The following RAB14 variants were observed in gnomAD, a reference collection of about 807,000 sequenced individuals.
The protein encoded by RAB14 is ras-related protein Rab-14.
In RAB14, 3 loss-of-function variants were observed where a neutral mutation model predicts 31.1. That is an observed-to-expected ratio of 0.10 (90% CI 0.04 to 0.25). The LOEUF (loss-of-function observed/expected upper bound fraction) is 0.25. Among genes scored for constraint, RAB14 ranks in the 10% least tolerant of loss-of-function variants. RAB14 has a pLI of 1.00. For missense variants in RAB14, 111 were observed against 260.1 expected (o/e 0.43, Z 3.94); for synonymous variants, 85 against 84.9 (o/e 1.00, Z 0.00).
rs1454413915 is a variant in RAB14, at chr9:121,180,744, A to AT, written c.*651dup. Reference sequence around the variant, plus strand: ...AGTTCGATTCCTTCAAATTTTATACATATTTACTTTCTGTTAAAGAGAAAA... The same window carrying AT: ...AGTTCGATTCCTTCAAATTTTATACATTATTTACTTTCTGTTAAAGAGAAAA... On this transcript the variant is annotated 3_prime_UTR_variant, in exon 8 of 8. Coordinates refer to ENST00000373840, the MANE Select transcript of RAB14 (RefSeq NM_016322.4). The AT allele has an allele frequency of 1.2e-4, 19 of 152,686 alleles. No homozygotes were observed. Among genetic ancestry groups the AT allele is most frequent in the African/African-American group, 4.6e-4 (19 of 41,484 alleles). The allele number at this position is 152,686 out of a possible 1,614,324, so 9.5% of individuals were successfully genotyped here.
At chr9:121,190,884 C>T (rs1027232713) in intron 3 of RAB14, among the ~76,000 whole-genome samples, 153 bp from the exon 4 acceptor site, 4 of 151,970 alleles carry the variant, frequency 2.6e-5, no homozygotes, top group Non-Finnish European at 5.9e-5. Flanking sequence ...TTAACAAACA[C>T]CCAGAAGTAA....
At position 121,181,200 on chromosome 9, in the gene RAB14, T is replaced by C; in HGVS notation, c.*196A>G. On this transcript the variant is annotated 3_prime_UTR_variant, in exon 8 of 8. Coordinates refer to ENST00000373840, the MANE Select transcript of RAB14 (RefSeq NM_016322.4). ...ACCATGCAGGAGAGATTTATTACTC[T>C]ACTTGCCTTTGATAACCTGATTACA... The C allele has an allele frequency of 2.1e-6, 1 of 473,670 alleles. No individual in the cohort carries two copies. The highest frequency in any genetic ancestry group is 3.4e-5 in the East Asian group (1 of 29,374). 29.3% of individuals were successfully genotyped at this position (473,670 alleles called of 1,614,324 possible). A position where few individuals can be genotyped will look rare whatever the true frequency, so the allele number is the denominator to read the frequency against.
intron 4 of RAB14, among the ~76,000 whole-genome samples, chr9:121,189,721 G>A (rs1440830079): frequency 1.3e-5 from 2 of 151,984 alleles, no homozygotes; most frequent in Non-Finnish European, 2.9e-5. Context: ...ACATCAAGAG[G>A]AAACCTTTTA....
At position 121,200,677 on chromosome 9, in the gene RAB14, A is replaced by G. The variant is rs560820151; in HGVS notation, c.-8+962T>C. On this transcript the variant is annotated intron_variant, in intron 1 of 7. Coordinates refer to ENST00000373840, the MANE Select transcript of RAB14 (RefSeq NM_016322.4). The stretch of plus-strand genomic sequence containing the variant: ...TACATTATAAATGGTCATGTCTGTA[A>G]CCCTAGCCTAATTTTTGAATGTAGT... 9.2e-5 allele frequency among the ~76,000 whole-genome samples: 14 copies of G among 152,294 alleles called. No homozygotes were observed. In the South Asian group the frequency reaches 1.5e-3, roughly 16 times the overall value.
intron 3 of RAB14, 45 bp from the exon 4 acceptor site, chr9:121,190,776 T>G: frequency 6.3e-7 from 1 of 1,584,042 alleles, no homozygotes; most frequent in Non-Finnish European, 8.6e-7. Context: ...TCAGAAAACT[T>G]CAAATTAAGC....
At chr9:121,186,146 C>A (rs1468789479) in intron 5 of RAB14, among the ~76,000 whole-genome samples, 1 of 152,100 alleles carries the variant, frequency 6.6e-6, no homozygotes, top group Admixed American at 6.6e-5. Context: ...TCACATTGTT[C>A]CTGGCATACC....
intron 5 of RAB14, among the ~76,000 whole-genome samples, chr9:121,185,010 ACATGC>A (rs2053651612): frequency 2.0e-5 from 3 of 152,212 alleles, no homozygotes; most frequent in Non-Finnish European, 4.4e-5. Context: ...GAGATACAAA[ACATGC>A]CCACAACAAA....
At chr9:121,187,147 A>G (rs1423989156) in intron 4 of RAB14, 128 bp from the exon 5 acceptor site, 1 of 503,396 alleles carries the variant, frequency 2.0e-6, no homozygotes, top group African/African-American at 2.0e-5. Flanking sequence ...TACTCAGAAC[A>G]GTAGTTGTGA....
rs2053625521 is a variant in RAB14 at position 121,180,185 on chromosome 9, T to C, written c.*1211A>G. ...GTGAACACAGGGATATCTTAAGTTA[T>C]TTCACTGTAGGGTTAAAAATGCACA... is the stretch of plus-strand genomic sequence containing the variant. On this transcript the variant is annotated 3_prime_UTR_variant, in exon 8 of 8. Coordinates refer to ENST00000373840, the MANE Select transcript of RAB14 (RefSeq NM_016322.4). The C allele has an allele frequency of 6.6e-6, 1 of 152,650 alleles. No homozygotes were observed. The highest frequency in any genetic ancestry group is 1.5e-5 in the Non-Finnish European group (1 of 68,050). The allele number at this position is 152,650 out of a possible 1,614,324, so 9.5% of individuals were successfully genotyped here.
rs1203946079 is a variant in RAB14 at position 121,201,826 on chromosome 9, T to A, written c.-195A>T. On this transcript the variant is annotated 5_prime_UTR_variant, in exon 1 of 8. Coordinates refer to ENST00000373840, the MANE Select transcript of RAB14 (RefSeq NM_016322.4). ...CGGCAGTAGCAGTGGCAGCGGTGAC[T>A]GCTCCTGTGCTCCCTCAGTATCTTC... 1.3e-5 allele frequency: 2 copies of A among 152,464 alleles called. No individual in the cohort carries two copies. The highest frequency in any genetic ancestry group is 2.1e-4 in the South Asian group (1 of 4,834). 9.4% of individuals were successfully genotyped at this position (152,464 alleles called of 1,614,324 possible). A position where few individuals can be genotyped will look rare whatever the true frequency, so the allele number is the denominator to read the frequency against.
At chr9:121,182,560 A>T (rs907391769) in intron 7 of RAB14, among the ~76,000 whole-genome samples, 1 of 152,252 alleles carries the variant, frequency 6.6e-6, no homozygotes, top group African/African-American at 2.4e-5. Flanking sequence ...TAATGTGATC[A>T]GAAGTATTAC....
intron 2 of RAB14, among the ~76,000 whole-genome samples, chr9:121,192,503 T>C (rs2053692573): frequency 6.6e-6 from 1 of 152,124 alleles, no homozygotes; most frequent in African/African-American, 2.4e-5. Context: ...TTTTTTTACT[T>C]TGAGCTGTTT....
rs1040233383 is a variant in RAB14, at chr9:121,178,687, AC to A, written c.*2708del. The stretch of plus-strand genomic sequence containing the variant: ...ACCTCTATTAACGTGTAAACCACCA[AC>A]CAAAAAAAAATAATAAGTTACTCCA... On this transcript the variant is annotated 3_prime_UTR_variant, in exon 8 of 8. Transcript: ENST00000373840. 1 of 148,146 alleles carries A rather than the reference AC, an allele frequency of 6.8e-6. No individual in the cohort carries two copies. The highest frequency in any genetic ancestry group is 1.5e-5 in the Non-Finnish European group (1 of 68,020). The allele number at this position is 148,146 out of a possible 1,614,324, so 9.2% of individuals were successfully genotyped here.
rs1395989043 is a variant in RAB14 at position 121,180,277 on chromosome 9, AAGAT to A, written c.*1115_*1118del. 1 of 152,650 alleles carries A rather than the reference AAGAT, an allele frequency of 6.6e-6. No homozygotes were observed. The highest frequency in any genetic ancestry group is 2.4e-5 in the African/African-American group (1 of 41,460). The allele number at this position is 152,650 out of a possible 1,614,324, so 9.5% of individuals were successfully genotyped here. A position where few individuals can be genotyped will look rare whatever the true frequency, so the allele number is the denominator to read the frequency against. On this transcript the variant is annotated 3_prime_UTR_variant, in exon 8 of 8. Coordinates refer to ENST00000373840, the MANE Select transcript of RAB14 (RefSeq NM_016322.4). Reference sequence around the variant, plus strand: ...CAGTTCAGAATCTGACCATTCCAAGAAGATAAAGGTATAAAAGCTTAAAATGTGC... The same window carrying A: ...CAGTTCAGAATCTGACCATTCCAAGAAAAGGTATAAAAGCTTAAAATGTGC...
At chr9:121,185,986 A>G (rs1323530748) in intron 5 of RAB14, among the ~76,000 whole-genome samples, 2 of 152,160 alleles carry the variant, frequency 1.3e-5, no homozygotes, top group Non-Finnish European at 2.9e-5. Flanking sequence ...TCTCAATATG[A>G]TTAAACCACC....
intron 3 of RAB14, among the ~76,000 whole-genome samples, chr9:121,191,250 T>C (rs142721782): frequency 6.6e-6 from 1 of 152,300 alleles, no homozygotes; most frequent in Admixed American, 6.5e-5. Context: ...GATCAATCAA[T>C]GGTCTTGGTA....
intron 5 of RAB14, among the ~76,000 whole-genome samples, chr9:121,185,164 G>T (rs954236118): frequency 6.6e-6 from 1 of 152,146 alleles, no homozygotes; most frequent in South Asian, 2.1e-4. Context: ...GAAGGACACA[G>T]GGCGGTAAGG....
At chr9:121,187,126 C>T (rs2053663077) in intron 4 of RAB14, 107 bp from the exon 5 acceptor site, 4 of 620,904 alleles carry the variant, frequency 6.4e-6, no homozygotes, top group Non-Finnish European at 9.9e-6. Flanking sequence ...AATAATTTTG[C>T]TTTGACCAGT....
At chr9:121,194,982 T>C (rs1212043352) in intron 1 of RAB14, among the ~76,000 whole-genome samples, 2 of 152,186 alleles carry the variant, frequency 1.3e-5, no homozygotes, top group Non-Finnish European at 2.9e-5. Flanking sequence ...GTCTCCTGCA[T>C]CACAGAAAAC....
Sources: gnomAD v4.1 joint callset for allele counts (sites outside exome capture counted in the v4.1 genomes callset) on GRCh38, gnomAD v4.1.1 for gene constraint, MANE v1.5 for transcripts, NCBI Gene and HGNC (gene_info 2026-07-23, HGNC 2026-07-21) for gene names.